The following RP1 variants were observed in gnomAD, a reference collection of about 807,000 sequenced individuals.
The protein encoded by RP1 is RP1 axonemal microtubule associated.
RP1 carries 16 observed loss-of-function variants against 14.8 expected under a neutral mutation model. That is an observed-to-expected ratio of 1.08 (90% confidence interval 0.73 to 1.65). The LOEUF (loss-of-function observed/expected upper bound fraction) is 1.65, where lower values mean the gene tolerates loss of function less well. RP1 is among the 40% of genes most tolerant of loss of function. RP1 has a pLI of 0.00. For synonymous variants in RP1, 876 were observed against 883.6 expected, an observed-to-expected ratio of 0.99 and a Z score of 0.15; for missense variants, 2,631 against 2,535.0, an observed-to-expected ratio of 1.04 and a Z score of -0.81.
intron 3 of RP1, among the ~76,000 whole-genome samples, chr8:54,643,729 T>C (rs1049134290): frequency 2.0e-5 from 3 of 152,096 alleles, no homozygotes; most frequent in Non-Finnish European, 2.9e-5. Flanking sequence ...CCTCACCTCT[T>C]CTCTGGCTTT....
intron 24 of RP1, among the ~76,000 whole-genome samples, chr8:54,807,632 G>A (rs866754566): frequency 1.1e-3 from 138 of 125,046 alleles, no homozygotes; most frequent in African/African-American, 2.8e-3. Context: ...CTGTCTGTCT[G>A]TCTATCTATC....
At chr8:54,684,545 T>G (rs2129336949) in intron 12 of RP1, among the ~76,000 whole-genome samples, 1 of 152,176 alleles carries the variant, frequency 6.6e-6, no homozygotes, top group East Asian at 1.9e-4. Flanking sequence ...CTTGCGGGGG[T>G]GTGTGCATCC....
intron 19 of RP1, among the ~76,000 whole-genome samples, chr8:54,745,153 A>G (rs1233439092): frequency 6.6e-6 from 1 of 152,214 alleles, no homozygotes; most frequent in Non-Finnish European, 1.5e-5. Flanking sequence ...ACAATCTACC[A>G]TTAACCTGAC....
chr8:54,860,565 C>T (rs1812320854), intron 27 of RP1, among the ~76,000 whole-genome samples: 1 of 152,172 alleles, frequency 6.6e-6, no homozygotes, highest in Non-Finnish European at 1.5e-5. Flanking sequence ...TGTGTGGGTA[C>T]CAAGTAATCA....
At chr8:54,737,830 G>A (rs1429334412) in intron 18 of RP1, among the ~76,000 whole-genome samples, 1 of 152,142 alleles carries the variant, frequency 6.6e-6, no homozygotes, top group African/African-American at 2.4e-5. Context: ...AGCTCTTTCA[G>A]GGTCTAGTCC....
intron 24 of RP1, among the ~76,000 whole-genome samples, chr8:54,815,844 T>C (rs976962829): frequency 3.9e-5 from 6 of 152,218 alleles, no homozygotes; most frequent in African/African-American, 9.6e-5. Context: ...GGCTCAGCTG[T>C]AGTAATTATT....
At position 54,758,556 on chromosome 8, in the gene RP1, T is replaced by G. The variant is rs140394840; in HGVS notation, c.3094-366T>G. 1.4e-3 allele frequency among the ~76,000 whole-genome samples: 214 copies of G among 152,154 alleles called. 1 individual carries two copies. The highest frequency in any genetic ancestry group is 6.8e-3 in the Middle Eastern group (2 of 292). On this transcript the variant is annotated intron_variant, in intron 21 of 22. Coordinates refer to the RP1 transcript ENST00000636932. ...CATATCAGTACTCATAGAAAGGAAATGTGCTGTACATTAGCTGCGTGGTTG... is the reference window on the plus strand; with the variant it reads ...CATATCAGTACTCATAGAAAGGAAAGGTGCTGTACATTAGCTGCGTGGTTG...
At chr8:54,567,669 C>T (rs942238044) in intron 1 of RP1, among the ~76,000 whole-genome samples, 2 of 151,986 alleles carry the variant, frequency 1.3e-5, no homozygotes, top group Non-Finnish European at 2.9e-5. Context: ...GGTAGAAAAC[C>T]TCTTGTAAAT....
At position 54,657,606 on chromosome 8, in the gene RP1, ACT is replaced by A. The variant is rs564569409; in HGVS notation, c.1171+1394_1171+1395del. On this transcript the variant is annotated intron_variant, in intron 6 of 22. Coordinates refer to the RP1 transcript ENST00000636932. ...ATGATATCATTACGAATAAGTTAAC[ACT>A]CTTCACTAGAGGTAGACACATAAGT... Among the ~76,000 whole-genome samples the A allele has an allele frequency of 1.1e-3, 173 of 151,490 alleles. 1 individual carries two copies. The highest frequency in any genetic ancestry group is 2.1e-3 in the Non-Finnish European group (141 of 67,702).
chr8:54,860,514 T>G (rs918185886), intron 27 of RP1, among the ~76,000 whole-genome samples: 5 of 152,338 alleles, frequency 3.3e-5, no homozygotes, highest in African/African-American at 1.2e-4. Context: ...CTGAGTATCT[T>G]AAATAAAATA....
At chr8:54,565,449 C>A (rs915470570) in intron 1 of RP1, among the ~76,000 whole-genome samples, 1 of 152,140 alleles carries the variant, frequency 6.6e-6, no homozygotes, top group African/African-American at 2.4e-5. Context: ...CCTGTAATCC[C>A]ATGTACTCAG....
At position 54,581,675 on chromosome 8, in the gene RP1, C is replaced by T. The variant is rs547646211; in HGVS notation, c.-13+22355C>T. Among the ~76,000 whole-genome samples, 903 of 152,168 alleles carry T rather than the reference C, an allele frequency of 5.9e-3. 9 individuals are homozygous for T. The highest frequency in any genetic ancestry group is 0.02 in the African/African-American group (848 of 41,514). ...CATCCTCTCCAGCACCTGTTGTTTC[C>T]TGACTTTTTAATGATTGCCATTCTA... On this transcript the variant is annotated intron_variant, in intron 1 of 22. Coordinates refer to the RP1 transcript ENST00000636932.
chr8:54,783,219 A>G (rs982574066), intron 23 of RP1, among the ~76,000 whole-genome samples: 1 of 152,060 alleles, frequency 6.6e-6, no homozygotes, highest in Non-Finnish European at 1.5e-5. Flanking sequence ...CCCATCCCCA[A>G]ATTTGACAGT....
At chr8:54,699,335 G>A in intron 12 of RP1, 1 of 400,010 alleles carries the variant, frequency 2.5e-6, no homozygotes, top group Non-Finnish European at 4.4e-6. Context: ...CTGTGGAGAT[G>A]CATTTTACCT....
intron 7 of RP1, among the ~76,000 whole-genome samples, chr8:54,666,372 G>C (rs1035502558): frequency 6.6e-6 from 1 of 152,102 alleles, no homozygotes; most frequent in African/African-American, 2.4e-5. Context: ...TGCTGGAAGT[G>C]TTCTTGTACC....
chr8:54,656,321 T>G (rs1806753955), intron 6 of RP1: 1 of 1,173,198 alleles, frequency 8.5e-7, no homozygotes, highest in Non-Finnish European at 1.2e-6. Flanking sequence ...GATTAAGGAC[T>G]GCCAGTTTCT....
chr8:54,784,261 G>T (rs1037578315), intron 24 of RP1, among the ~76,000 whole-genome samples: 1 of 152,044 alleles, frequency 6.6e-6, no homozygotes, highest in Non-Finnish European at 1.5e-5. Context: ...ACTTCGTAGG[G>T]TTAGAATGAG....
chr8:54,668,865 A>G (rs1273171514), intron 7 of RP1, among the ~76,000 whole-genome samples: 2 of 152,214 alleles, frequency 1.3e-5, no homozygotes, highest in Non-Finnish European at 2.9e-5. Flanking sequence ...TACACCTTAT[A>G]CAAAAATTAA....
intron 16 of RP1, among the ~76,000 whole-genome samples, chr8:54,725,524 A>T (rs1460212725): frequency 6.6e-6 from 1 of 152,164 alleles, no homozygotes; most frequent in Non-Finnish European, 1.5e-5. Flanking sequence ...AGTGTCGCTA[A>T]TTTCTACTAA....
Sources: gnomAD v4.1 joint callset for allele counts (sites outside exome capture counted in the v4.1 genomes callset) on GRCh38, gnomAD v4.1.1 for gene constraint, MANE v1.5 for transcripts, NCBI Gene and HGNC (gene_info 2026-07-23, HGNC 2026-07-21) for gene names.